MELTF: variants seen among roughly 807,000 people sequenced by gnomAD.
MELTF encodes the protein antigen p97 (melanoma associated) identified by monoclonal antibodies 133.2 and 96.5.
In MELTF, 67 loss-of-function variants were observed where a neutral mutation model predicts 83.7. The observed-to-expected ratio is 0.80, with a 90% CI of 0.66 to 0.98. The LOEUF (loss-of-function observed/expected upper bound fraction) is 0.98, where lower values mean the gene tolerates loss of function less well. Among genes scored for constraint, MELTF ranks in the 50% least tolerant of loss-of-function variants. MELTF has a pLI of 0.00. For missense variants in MELTF, 1,002 were observed against 1,035.6 expected (o/e 0.97, Z 0.44); for synonymous variants, 462 against 447.6 (o/e 1.03, Z -0.41).
chr3:197,009,993 C>T (rs945096570), intron 10 of MELTF, among the ~76,000 whole-genome samples, 181 bp from the exon 11 acceptor site: 6 of 152,232 alleles, frequency 3.9e-5, no homozygotes, highest in African/African-American at 7.2e-5. Flanking sequence ...CCCCTGCCTG[C>T]GTCCCCTGTG....
At chr3:197,028,188 T>G in intron 1 of MELTF, 2 of 403,962 alleles carry the variant, frequency 5.0e-6, no homozygotes, top group Non-Finnish European at 4.5e-6. Flanking sequence ...TACAGGTCGC[T>G]TCTCAGCTAC....
chr3:197,020,488 C>T (rs1425591498), intron 6 of MELTF, among the ~76,000 whole-genome samples: 8 of 143,672 alleles, frequency 5.6e-5, no homozygotes, highest in East Asian at 2.0e-4. Context: ...AGAACACACA[C>T]GCACACACAC....
At position 197,024,235 on chromosome 3, in the gene MELTF, G is replaced by C; in HGVS notation, c.487+68C>G. On this transcript the variant is annotated intron_variant, in intron 4 of 15. Transcript: ENST00000296350. The surrounding 1 kb of genome is among the most constrained non-coding windows in gnomAD (Gnocchi z 5.3). ...GCCGGAGGGAGGCTACCCAGTGAAG[G>C]GACGAGCATGGGCCAAGGAAAGGAG... 6.8e-7 allele frequency: 1 copy of C among 1,473,846 alleles called. No individual in the cohort carries two copies. The highest frequency in any genetic ancestry group is 1.3e-5 in the South Asian group (1 of 74,706). 91.3% of individuals were successfully genotyped at this position (1,473,846 alleles called of 1,614,324 possible).
In MELTF at chr3:197,006,767, C is replaced by A. The variant is rs41292041; in HGVS notation, c.1751-31G>T. On this transcript the variant is annotated intron_variant, in intron 13 of 15. Transcript: ENST00000296350. This position sits in a 1 kb window ranked among gnomAD's most constrained non-coding sequence, Gnocchi z 5.4. ...GGGGGTAAAGCAGTGTGTGTGGGGA[C>A]GTTCCGGGAGTGGAGAGAAGTGTAA... 1.3e-6 allele frequency: 2 copies of A among 1,482,746 alleles called. No individual in the cohort carries two copies. The highest frequency in any genetic ancestry group is 1.8e-6 in the Non-Finnish European group (2 of 1,117,800). 91.8% of individuals were successfully genotyped at this position (1,482,746 alleles called of 1,614,324 possible). A position where few individuals can be genotyped will look rare whatever the true frequency, so the allele number is the denominator to read the frequency against.
chr3:197,016,316 A>G lies in MELTF; in HGVS notation c.954T>C (p.Tyr318=), dbSNP rs755937971. 6.8e-6 allele frequency: 11 copies of G among 1,611,722 alleles called. No individual in the cohort carries two copies. The highest frequency in any genetic ancestry group is 4.5e-5 in the East Asian group (2 of 44,758). The change falls in exon 8 of 16, where the codon TAT becomes TAC. Residue 318 remains tyrosine, a synonymous_variant. Transcript: ENST00000296350. ...CTTTGAAGAGTAGATCCTTCTGGCCATAGGCCTCAGAGCTGAACATCTGGA... is the reference window on the plus strand; with the variant it reads ...CTTTGAAGAGTAGATCCTTCTGGCCGTAGGCCTCAGAGCTGAACATCTGGA... ...SSFQMFSSEA[Y]GQKDLLFKDS...
At position 197,024,289 on chromosome 3, in the gene MELTF, C is replaced by T. The variant is rs758976263; in HGVS notation, c.487+14G>A. 4 of 1,545,668 alleles carry T rather than the reference C, an allele frequency of 2.6e-6. No homozygotes were observed. The highest frequency in any genetic ancestry group is 2.4e-5 in the South Asian group (2 of 82,502). On this transcript the variant is annotated intron_variant, in intron 4 of 15. Coordinates refer to ENST00000296350, the MANE Select transcript of MELTF (RefSeq NM_005929.6). The surrounding 1 kb of genome is among the most constrained non-coding windows in gnomAD (Gnocchi z 5.3). ...GAGGCCTGGGGACCCTCCTGCCCAGCCCAAAGCCCTCACCTTTGAGTACAT... is the reference window on the plus strand; with the variant it reads ...GAGGCCTGGGGACCCTCCTGCCCAGTCCAAAGCCCTCACCTTTGAGTACAT...
Position 197,007,105 on chromosome 3 carries a change from G to C in MELTF, c.1751-369C>G, listed in dbSNP as rs910029529. 2.6e-5 allele frequency among the ~76,000 whole-genome samples: 4 copies of C among 152,170 alleles called. No individual in the cohort carries two copies. Among genetic ancestry groups the C allele is most frequent in the Non-Finnish European group, 4.4e-5 (3 of 68,032 alleles). On this transcript the variant is annotated intron_variant, in intron 13 of 15. Coordinates refer to ENST00000296350, the MANE Select transcript of MELTF (RefSeq NM_005929.6). The surrounding 1 kb of genome is among the most constrained non-coding windows in gnomAD (Gnocchi z 4.3). The stretch of plus-strand genomic sequence containing the variant: ...CTCCCAGGCAGAGAACCCCATCTAT[G>C]TGTTACATCCTCAAGCCTGAGTGTG...
rs144134690 is a variant in MELTF at position 197,006,660 on chromosome 3, G to A, written c.1827C>T (p.Ala609=). The A allele has an allele frequency of 1.4e-5, 23 of 1,603,938 alleles. No homozygotes were observed. Among genetic ancestry groups the A allele is most frequent in the African/African-American group, 1.1e-4 (8 of 74,678 alleles). ...YELLCPNGAR[A]EVSQFAACNL... is the part of the protein sequence containing the mutation. ...TGCAGGCTGCAAACTGGGACACCTC[G>A]GCTCGGGCCCCGTTGGGGCACAGCA... is the stretch of plus-strand genomic sequence containing the variant. The change falls in exon 14 of 16, where the codon GCC becomes GCT. Residue 609 remains alanine (A), a synonymous_variant. Coordinates refer to ENST00000296350, the MANE Select transcript of MELTF (RefSeq NM_005929.6). This position sits in a 1 kb window ranked among gnomAD's most constrained non-coding sequence, Gnocchi z 5.4.
In MELTF at chr3:197,006,551, G is replaced by A. The variant is rs1239217332; in HGVS notation, c.1936C>T (p.Gln646Ter). The change falls in exon 14 of 16, where the codon CAG becomes TAG. Residue 646 changes from glutamine to a stop codon, truncating the protein, a stop_gained and splice_region_variant. Coordinates refer to ENST00000296350, the MANE Select transcript of MELTF (RefSeq NM_005929.6). LOFTEE classifies it high-confidence loss of function. This position sits in a 1 kb window ranked among gnomAD's most constrained non-coding sequence, Gnocchi z 5.4. ...GAGGTAGCCCCACCCTGGCTCACCT[G>A]GGCCTTGTCCAGCAGTCCATACACG... is the stretch of plus-strand genomic sequence containing the variant. Reference protein sequence around the residue: ...FTVYGLLDKAQDLFGDDHNKN... With the variant: ...FTVYGLLDKA 1 of 1,611,856 alleles carries A rather than the reference G, an allele frequency of 6.2e-7. No individual in the cohort carries two copies. The highest frequency in any genetic ancestry group is 8.5e-7 in the Non-Finnish European group (1 of 1,179,022).
At chr3:197,014,457 G>A (rs1363719408) in intron 9 of MELTF, among the ~76,000 whole-genome samples, 4 of 137,780 alleles carry the variant, frequency 2.9e-5, no homozygotes, top group Admixed American at 8.0e-5. Context: ...GTGTGATCTC[G>A]GCTCCCTGCA....
Position 197,009,546 on chromosome 3 carries a change from A to G in MELTF, c.1525+72T>C, listed in dbSNP as rs1719105505. On this transcript the variant is annotated intron_variant, in intron 11 of 15. Coordinates refer to ENST00000296350, the MANE Select transcript of MELTF (RefSeq NM_005929.6). The stretch of plus-strand genomic sequence containing the variant: ...CACCTTCCAACAAGGTCCTCTCCCC[A>G]ACAGGCTGCGGGTCCCTAGCTAACC... 58 of 1,477,268 alleles carry G rather than the reference A, an allele frequency of 3.9e-5. No homozygotes were observed. In the South Asian group the frequency reaches 7.4e-4, roughly 19 times the overall value. 91.5% of individuals were successfully genotyped at this position (1,477,268 alleles called of 1,614,324 possible).
intron 6 of MELTF, chr3:197,019,186 C>T (rs1719520768): frequency 2.0e-6 from 2 of 1,001,986 alleles, no homozygotes; most frequent in African/African-American, 1.7e-5. Flanking sequence ...TAGTCCTACC[C>T]CCGCTTCCCA....
At chr3:197,025,917 T>G (rs1719836762) in intron 3 of MELTF, 2 of 152,204 alleles carry the variant, frequency 1.3e-5, no homozygotes, top group Admixed American at 6.6e-5. Context: ...GAGGCCCTGC[T>G]CCAGAGAGGG....
chr3:197,027,478 C>A (rs558868066), intron 2 of MELTF, among the ~76,000 whole-genome samples: 22 of 152,372 alleles, frequency 1.4e-4, no homozygotes, highest in African/African-American at 5.3e-4. Flanking sequence ...GGGCCGCCAC[C>A]ATCTGGGCCC....
Position 197,011,488 on chromosome 3 carries a change from G to C in MELTF, c.1234-694C>G, listed in dbSNP as rs147710350. On this transcript the variant is annotated intron_variant, in intron 9 of 15. Coordinates refer to ENST00000296350, the MANE Select transcript of MELTF (RefSeq NM_005929.6). The surrounding 1 kb of genome is among the most constrained non-coding windows in gnomAD (Gnocchi z 4.2). The stretch of plus-strand genomic sequence containing the variant: ...GTGATTAACCTCAAGGGAAGGGGAT[G>C]ACAGTGTGACAGTGGGGGAGAGTGC... 1.7e-4 allele frequency among the ~76,000 whole-genome samples: 26 copies of C among 152,346 alleles called. No homozygotes were observed. In the East Asian group the frequency reaches 5.0e-3, roughly 29 times the overall value.
intron 8 of MELTF, 142 bp downstream of exon 8, chr3:197,016,047 A>G (rs1216689062): frequency 7.2e-6 from 5 of 690,222 alleles, no homozygotes. Flanking sequence ...CCAAAGCCCC[A>G]GGGGCAGAGG....
Position 197,021,399 on chromosome 3 carries a change from C to A in MELTF, c.712+5G>T. 6.2e-7 allele frequency: 1 copy of A among 1,614,030 alleles called. No homozygotes were observed. Among genetic ancestry groups the A allele is most frequent in the South Asian group, 1.1e-5 (1 of 91,080 alleles). ...CCTCTGGGCCCGTGCCCCTCCCCCA[C>A]TCACCATCCGTGTTCTCCAGTACCG... On this transcript the variant is annotated splice_donor_5th_base_variant and intron_variant, in intron 6 of 15. Coordinates refer to ENST00000296350, the MANE Select transcript of MELTF (RefSeq NM_005929.6).
Position 197,002,172 on chromosome 3 carries a change from A to G in MELTF, c.*1200T>C, listed in dbSNP as rs1349266860. The G allele has an allele frequency of 6.6e-6, 1 of 151,976 alleles. No individual in the cohort carries two copies. The highest frequency in any genetic ancestry group is 6.6e-5 in the Admixed American group (1 of 15,264). The allele number at this position is 151,976 out of a possible 1,614,324, so 9.4% of individuals were successfully genotyped here. A position where few individuals can be genotyped will look rare whatever the true frequency, so the allele number is the denominator to read the frequency against. On this transcript the variant is annotated 3_prime_UTR_variant, in exon 16 of 16. Coordinates refer to ENST00000296350, the MANE Select transcript of MELTF (RefSeq NM_005929.6). ...TGAGAGATGGAAGGGATCCTTCCCGACGCCCGCAGGTGGGGGCGAGCCACC... is the reference window on the plus strand; with the variant it reads ...TGAGAGATGGAAGGGATCCTTCCCGGCGCCCGCAGGTGGGGGCGAGCCACC...
rs1352454877 is a variant in MELTF at position 197,003,445 on chromosome 3, G to A, written c.2144C>T (p.Pro715Leu). The change falls in exon 16 of 16, where the codon CCG becomes CTG. Residue 715 changes from proline to leucine, a missense_variant. By Grantham distance (98) the Pro-to-Leu change is moderately conservative. Coordinates refer to ENST00000296350, the MANE Select transcript of MELTF (RefSeq NM_005929.6). This position sits in a 1 kb window ranked among gnomAD's most constrained non-coding sequence, Gnocchi z 6.2. ...CGGGAGCAGGGGCGCCCCGGGCGCC[G>A]GGGCCGCTGGGGACGAACGCGGCGG... is the stretch of plus-strand genomic sequence containing the variant. ...SSQQCSGAAA[P>L]APGAPLLPLL... 33 of 1,110,176 alleles carry A rather than the reference G, an allele frequency of 3.0e-5. No individual in the cohort carries two copies. The highest frequency in any genetic ancestry group is 1.0e-4 in the African/African-American group (6 of 59,568). The allele number at this position is 1,110,176 out of a possible 1,614,324, so 68.8% of individuals were successfully genotyped here.
Sources: allele counts gnomAD v4.1 joint callset (sites outside exome capture counted in the v4.1 genomes callset), GRCh38; gene constraint gnomAD v4.1.1; non-coding constraint Gnocchi (gnomAD v3.1); transcripts MANE v1.5; gene names NCBI Gene and HGNC (gene_info 2026-07-23, HGNC 2026-07-21).